The following GEMIN5 variants were observed in gnomAD, a reference collection of about 807,000 sequenced individuals.
GEMIN5 encodes the protein gem nuclear organelle associated protein 5.
A neutral mutation model predicts 176.9 loss-of-function variants in GEMIN5; 124 were observed. The ratio of observed to expected loss-of-function variants is 0.70; its 90% confidence interval spans 0.61 to 0.81. GEMIN5 has a LOEUF of 0.81. GEMIN5 is among the 40% of genes least tolerant of loss of function. GEMIN5 has a pLI of 0.00. For synonymous variants in GEMIN5, 673 were observed against 665.2 expected, an observed-to-expected ratio of 1.01 and a Z score of -0.18; for missense variants, 1,843 against 1,814.6, an observed-to-expected ratio of 1.02 and a Z score of -0.28.
At position 154,903,061 on chromosome 5, in the gene GEMIN5, T is replaced by C; in HGVS notation, c.2728+19A>G. 3 of 1,441,460 alleles carry C rather than the reference T, an allele frequency of 2.1e-6. No individual in the cohort carries two copies. The South Asian group carries it at 3.5e-5, about 17-fold the overall frequency. 89.3% of individuals were successfully genotyped at this position (1,441,460 alleles called of 1,614,324 possible). A position where few individuals can be genotyped will look rare whatever the true frequency, so the allele number is the denominator to read the frequency against. On this transcript the variant is annotated intron_variant, in intron 19 of 27. Coordinates refer to ENST00000285873, the MANE Select transcript of GEMIN5 (RefSeq NM_015465.5). Reference sequence around the variant, plus strand: ...AAGTATAAAGATGGATGAGATTATGTTGACTGGATTTGTCTCACCTTCAAT... The same window carrying C: ...AAGTATAAAGATGGATGAGATTATGCTGACTGGATTTGTCTCACCTTCAAT...
chr5:154,902,073 A>G (rs914545970), intron 20 of GEMIN5, among the ~76,000 whole-genome samples: 1 of 151,826 alleles, frequency 6.6e-6, no homozygotes, highest in Admixed American at 6.6e-5. Flanking sequence ...AAATGCTGGT[A>G]TTACAGGCAT....
chr5:154,935,742 G>C (rs771377535), intron 3 of GEMIN5, 99 bp downstream of exon 3: 1 of 798,894 alleles, frequency 1.3e-6, no homozygotes, highest in Admixed American at 2.3e-5. Flanking sequence ...ATCTGTAGAT[G>C]GTTTCCTTTG....
chr5:154,890,459 A>G (rs77502360), intron 26 of GEMIN5, among the ~76,000 whole-genome samples: 13,551 of 151,376 alleles, frequency 0.09, 671 homozygotes, highest in Admixed American at 0.15. Flanking sequence ...CTGGCTTCTT[A>G]AAATTTAATT....
chr5:154,929,476 T>C (rs755557196), intron 5 of GEMIN5, among the ~76,000 whole-genome samples: 6 of 152,226 alleles, frequency 3.9e-5, no homozygotes, highest in Non-Finnish European at 7.3e-5. Flanking sequence ...TTAAGCTGTA[T>C]TGTGCATCGG....
At chr5:154,899,555 G>A (rs1396696556) in intron 21 of GEMIN5, among the ~76,000 whole-genome samples, 4 of 152,034 alleles carry the variant, frequency 2.6e-5, no homozygotes, top group Non-Finnish European at 5.9e-5. Flanking sequence ...GAACCTTTCA[G>A]AGGGTTCATG....
At chr5:154,920,283 GAAGTAAA>G (rs1230507869) in intron 10 of GEMIN5, among the ~76,000 whole-genome samples, 180 bp from the exon 11 acceptor site, 2 of 152,132 alleles carry the variant, frequency 1.3e-5, no homozygotes, top group Non-Finnish European at 2.9e-5. Context: ...GTTGGGAGCA[GAAGTAAA>G]AAAACTATAC....
Position 154,907,624 on chromosome 5 carries a change from C to G in GEMIN5, c.2362G>C (p.Glu788Gln). The G allele has an allele frequency of 6.2e-7, 1 of 1,614,070 alleles. No individual in the cohort carries two copies. The highest frequency in any genetic ancestry group is 8.5e-7 in the Non-Finnish European group (1 of 1,179,972). Residue 788 changes from glutamate (E) to glutamine (Q), a missense_variant, in exon 16 of 28, where the codon GAG becomes CAG. Glu to Gln is a conservative substitution (Grantham distance 29). Coordinates refer to ENST00000285873, the MANE Select transcript of GEMIN5 (RefSeq NM_015465.5). ...GCAAGGCCACAGGGTAATTCCGGCT[C>G]CCGTGCTTGCTCCTCCCCTTCTTGG... is the stretch of plus-strand genomic sequence containing the variant. ...SDQEGEEQAR[E>Q]PELPCGLAPA...
intron 19 of GEMIN5, 39 bp from the exon 20 acceptor site, chr5:154,902,715 A>C: frequency 6.2e-7 from 1 of 1,603,122 alleles, no homozygotes; most frequent in Non-Finnish European, 8.5e-7. Context: ...GGTGTTTCAG[A>C]AACATCTGTT....
rs1032382936 is a variant in GEMIN5, at chr5:154,889,236, G to A, written c.4359+85C>T. 4 of 734,614 alleles carry A rather than the reference G, an allele frequency of 5.4e-6. No homozygotes were observed. In the East Asian group the frequency reaches 7.5e-5, roughly 14 times the overall value. The allele number at this position is 734,614 out of a possible 1,614,324, so 45.5% of individuals were successfully genotyped here. On this transcript the variant is annotated intron_variant, in intron 27 of 27. Transcript: ENST00000285873. ...GAGATTTTAGAAACTGAACAGAGAG[G>A]TAGCTGACCTTTATAAGAATGTGGT... is the stretch of plus-strand genomic sequence containing the variant.
chr5:154,936,173 T>G (rs1044879546), intron 2 of GEMIN5, 151 bp from the exon 3 acceptor site: 1 of 562,904 alleles, frequency 1.8e-6, no homozygotes. Flanking sequence ...TCCCAGCACT[T>G]TGGGAGGCCG....
rs1763231103 is a variant in GEMIN5, at chr5:154,891,684, G to C, written c.3819C>G (p.Phe1273Leu). 3.1e-6 allele frequency: 5 copies of C among 1,611,724 alleles called. No homozygotes were observed. Among genetic ancestry groups the C allele is most frequent in the Non-Finnish European group, 4.2e-6 (5 of 1,179,446 alleles). The change falls in exon 26 of 28, where the codon TTC becomes TTG. Residue 1273 changes from phenylalanine (F) to leucine (L), a missense_variant. Transcript: ENST00000285873. ...GDHQSPATPA[F>L]KSLEAFFLYG... is the part of the protein sequence containing the mutation. ...AAAGAAAAAAGGCCTCCAAACTTTT[G>C]AAAGCTGGTGTGGCAGGGGATTGAT...
intron 15 of GEMIN5, among the ~76,000 whole-genome samples, chr5:154,909,183 A>G (rs1763640799): frequency 1.6e-5 from 2 of 122,554 alleles, no homozygotes; most frequent in South Asian, 5.2e-4. Context: ...CATGTTGGCC[A>G]GGCTGGTATC....
At position 154,896,284 on chromosome 5, in the gene GEMIN5, C is replaced by T. The variant is rs144967413; in HGVS notation, c.3405G>A (p.Gln1135=). Residue 1135 remains glutamine (Q), a synonymous_variant, in exon 24 of 28, where the codon CAG becomes CAA. Transcript: ENST00000285873. Reference sequence around the variant, plus strand: ...AGGAGGAGCTTTTGCCCTCTGAAAGCTGCTTTTCCTCCAGATGCCTGGACA... The same window carrying T: ...AGGAGGAGCTTTTGCCCTCTGAAAGTTGCTTTTCCTCCAGATGCCTGGACA... The part of the protein sequence containing the change: ...ELLSRHLEEK[Q]LSEGKSSSSY... 6.2e-7 allele frequency: 1 copy of T among 1,612,206 alleles called. No individual in the cohort carries two copies. Among genetic ancestry groups the T allele is most frequent in the African/African-American group, 1.3e-5 (1 of 74,930 alleles).
intron 16 of GEMIN5, among the ~76,000 whole-genome samples, chr5:154,906,038 C>A (rs972702266): frequency 2.0e-5 from 3 of 151,638 alleles, no homozygotes; most frequent in Non-Finnish European, 4.4e-5. Context: ...AACTGTTGCC[C>A]AGGCTGGAGT....
At chr5:154,898,347 G>A in intron 23 of GEMIN5, 93 bp downstream of exon 23, 1 of 1,143,966 alleles carries the variant, frequency 8.7e-7, no homozygotes, top group Non-Finnish European at 1.3e-6. Context: ...AATTGGCACA[G>A]CTTGTGCAAC....
At chr5:154,904,467 C>T (rs553865183) in intron 18 of GEMIN5, 40 bp downstream of exon 18, 96 of 1,587,968 alleles carry the variant, frequency 6.0e-5, no homozygotes, top group Admixed American at 5.3e-4. Flanking sequence ...ATACCAGTCC[C>T]GGAAGACTAT....
rs1582657658 is a variant in GEMIN5 at position 154,904,495 on chromosome 5, A to C, written c.2632+12T>G. ...AAGACTATGGATGGGCCAAGGAAGTACATTTTTGTACCTCTGGAGTGCTTT... is the reference window on the plus strand; with the variant it reads ...AAGACTATGGATGGGCCAAGGAAGTCCATTTTTGTACCTCTGGAGTGCTTT... On this transcript the variant is annotated intron_variant, in intron 18 of 27. Coordinates refer to ENST00000285873, the MANE Select transcript of GEMIN5 (RefSeq NM_015465.5). The C allele has an allele frequency of 6.2e-7, 1 of 1,612,576 alleles. No individual in the cohort carries two copies. The highest frequency in any genetic ancestry group is 1.7e-5 in the Admixed American group (1 of 59,970).
At position 154,938,100 on chromosome 5, in the gene GEMIN5, G is replaced by A; in HGVS notation, c.34C>T (p.Pro12Ser). ...GQEPRTLPPS[P>S]NWYCARCSDA... ...CTGCAGCGGGCGCAGTACCAGTTGGGGGAGGGCGGCAGCGTCCGCGGCTCC... is the reference window on the plus strand; with the variant it reads ...CTGCAGCGGGCGCAGTACCAGTTGGAGGAGGGCGGCAGCGTCCGCGGCTCC... The change falls in exon 1 of 28, where the codon CCC (proline) becomes TCC (serine). Residue 12 changes from proline to serine, a missense_variant. By Grantham distance (74) the Pro-to-Ser change is moderately conservative. Coordinates refer to ENST00000285873, the MANE Select transcript of GEMIN5 (RefSeq NM_015465.5). The A allele has an allele frequency of 6.9e-7, 1 of 1,439,184 alleles. No individual in the cohort carries two copies. The highest frequency in any genetic ancestry group is 1.5e-5 in the South Asian group (1 of 67,878). The allele number at this position is 1,439,184 out of a possible 1,614,324, so 89.2% of individuals were successfully genotyped here.
chr5:154,909,553 TACCACC>T (rs66512779), intron 15 of GEMIN5, among the ~76,000 whole-genome samples: 1 of 151,654 alleles, frequency 6.6e-6, no homozygotes, highest in African/African-American at 2.4e-5. Context: ...ACAAAGTACC[TACCACC>T]ACCACAATTA....
Sources: gnomAD v4.1 joint callset for allele counts (sites outside exome capture counted in the v4.1 genomes callset) on GRCh38, gnomAD v4.1.1 for gene constraint, MANE v1.5 for transcripts, NCBI Gene and HGNC (gene_info 2026-07-23, HGNC 2026-07-21) for gene names.